CLPB: variants seen among roughly 807,000 people sequenced by gnomAD.
CLPB encodes mitochondrial disaggregase.
A neutral mutation model predicts 78.4 loss-of-function variants in CLPB; 40 were observed. That is an observed-to-expected ratio of 0.51 (90% CI 0.40 to 0.66). The LOEUF is 0.66. Ranked by LOEUF, CLPB falls within the 30% of genes least tolerant of loss-of-function variation. CLPB has a pLI of 0.00. For synonymous variants in CLPB, 333 were observed against 348.0 expected, an observed-to-expected ratio of 0.96 and a Z score of 0.48; for missense variants, 780 against 886.9, an observed-to-expected ratio of 0.88 and a Z score of 1.53.
intron 5 of CLPB, among the ~76,000 whole-genome samples, chr11:72,355,574 T>C (rs1950697631): frequency 6.6e-6 from 1 of 152,222 alleles, no homozygotes; most frequent in Non-Finnish European, 1.5e-5. Context: ...GTACGAAAAC[T>C]GAGGCTTAGA....
intron 2 of CLPB, among the ~76,000 whole-genome samples, chr11:72,418,242 A>C (rs1297635394): frequency 1.3e-5 from 2 of 152,254 alleles, no homozygotes; most frequent in East Asian, 3.9e-4. Flanking sequence ...AGTGCCAGCC[A>C]GCCTTGTGTG....
At chr11:72,371,852 C>T (rs1056000243) in intron 4 of CLPB, among the ~76,000 whole-genome samples, 1 of 152,214 alleles carries the variant, frequency 6.6e-6, no homozygotes, top group African/African-American at 2.4e-5. Flanking sequence ...CTTGACTTCT[C>T]AGCCACAGAT....
chr11:72,294,782 C>T, intron 12 of CLPB, 89 bp from the exon 13 acceptor site: 1 of 1,073,684 alleles, frequency 9.3e-7, no homozygotes, highest in Admixed American at 1.7e-5. Context: ...ATGGAAAGAG[C>T]CCTGGTCCTG....
chr11:72,329,760 C>T lies in CLPB; in HGVS notation c.820G>A (p.Asp274Asn). The change falls in exon 6 of 16, where the codon GAT becomes AAT. Residue 274 changes from aspartate to asparagine, a missense_variant. Asp to Asn is a conservative substitution (Grantham distance 23). This residue lies in a region of CLPB where 417 missense variants were observed against 414.7 expected (regional missense o/e 1.01). Coordinates refer to ENST00000538039, the MANE Select transcript of CLPB (RefSeq NM_001258392.3). ...QRNEMGHTPL[D>N]YAREGEVMKL... ...ATCACTTCCCCTTCTCGGGCATAATCCAAGGGTGTGTGTCCCATTTCATTC... is the reference window on the plus strand; with the variant it reads ...ATCACTTCCCCTTCTCGGGCATAATTCAAGGGTGTGTGTCCCATTTCATTC... 5 of 1,614,002 alleles carry T rather than the reference C, an allele frequency of 3.1e-6. No individual in the cohort carries two copies. Among genetic ancestry groups the T allele is most frequent in the Non-Finnish European group, 4.2e-6 (5 of 1,179,954 alleles).
chr11:72,430,240 C>A, intron 2 of CLPB, 72 bp downstream of exon 2: 1 of 1,433,712 alleles, frequency 7.0e-7, no homozygotes, highest in South Asian at 1.2e-5. Context: ...AAAGCAAAGT[C>A]ATCACACGAG....
At chr11:72,352,849 G>A (rs1042035903) in intron 5 of CLPB, 1 of 152,250 alleles carries the variant, frequency 6.6e-6, no homozygotes, top group Non-Finnish European at 1.5e-5. Context: ...GGGGTCCTTG[G>A]GATCTGCTAT....
intron 4 of CLPB, chr11:72,363,367 C>T (rs1950878108): frequency 6.6e-6 from 1 of 152,204 alleles, no homozygotes; most frequent in Admixed American, 6.5e-5. Context: ...GCTTTATTTA[C>T]TGTTCACTTC....
At chr11:72,387,659 T>TA (rs1222908564) in intron 3 of CLPB, among the ~76,000 whole-genome samples, 164 of 141,994 alleles carry the variant, frequency 1.2e-3, no homozygotes, top group East Asian at 1.0e-2. Context: ...CCTGACACAT[T>TA]AAAAAAAAAA....
In CLPB at chr11:72,294,342, T is replaced by C; in HGVS notation, c.1663A>G (p.Asn555Asp). 6.2e-7 allele frequency: 1 copy of C among 1,614,232 alleles called. No individual in the cohort carries two copies. Among genetic ancestry groups the C allele is most frequent in the East Asian group, 2.2e-5 (1 of 44,882 alleles). ...ELIQLVNKEL[N>D]FWAKRAKQRH... Reference sequence around the variant, plus strand: ...CCTCTTACTCTCTTGGCCCAGAAGTTTAGTTCCTTGTTGACGAGTTGGATG... The same window carrying C: ...CCTCTTACTCTCTTGGCCCAGAAGTCTAGTTCCTTGTTGACGAGTTGGATG... Residue 555 changes from asparagine (N) to aspartate (D), a missense_variant, in exon 14 of 16, where the codon AAC becomes GAC. Around this residue, in one of 3 missense-constraint regions of CLPB, gnomAD observed 272 missense variants for 304.0 expected, o/e 0.89. Coordinates refer to ENST00000538039, the MANE Select transcript of CLPB (RefSeq NM_001258392.3).
intron 3 of CLPB, among the ~76,000 whole-genome samples, chr11:72,394,343 T>C (rs536594070): frequency 6.6e-6 from 1 of 152,122 alleles, no homozygotes; most frequent in South Asian, 2.1e-4. Context: ...CTGAACTGAA[T>C]GAACACTGGA....
At chr11:72,334,946 G>A (rs1037862254) in intron 5 of CLPB, among the ~76,000 whole-genome samples, 9 of 152,362 alleles carry the variant, frequency 5.9e-5, no homozygotes, top group African/African-American at 1.7e-4. Context: ...GCGCCTGCCC[G>A]CTACAGCTGT....
chr11:72,302,273 C>T, intron 10 of CLPB, 31 bp downstream of exon 10: 1 of 1,611,512 alleles, frequency 6.2e-7, no homozygotes, highest in Non-Finnish European at 8.5e-7. Context: ...CCCTCCAAAC[C>T]ATGCTTCAAT....
At chr11:72,366,490 A>G (rs1950945219) in intron 4 of CLPB, among the ~76,000 whole-genome samples, 1 of 152,132 alleles carries the variant, frequency 6.6e-6, no homozygotes. Context: ...AGCCTCCCAA[A>G]GTGCTGGGAT....
chr11:72,356,230 A>G (rs1392680268), intron 5 of CLPB, among the ~76,000 whole-genome samples: 1 of 151,312 alleles, frequency 6.6e-6, no homozygotes, highest in Non-Finnish European at 1.5e-5. Flanking sequence ...GCAAGCCGAG[A>G]TCGCGCCATT....
At chr11:72,320,110 C>CTTTGCTGTCAGT (rs1484209962) in intron 6 of CLPB, among the ~76,000 whole-genome samples, 4 of 152,246 alleles carry the variant, frequency 2.6e-5, no homozygotes, top group African/African-American at 9.6e-5. Context: ...GGTGGCTCAT[C>CTTTGCTGTCAGT]TTTGCTGTCA....
At chr11:72,395,722 G>A (rs775606740) in intron 3 of CLPB, among the ~76,000 whole-genome samples, 9 of 152,186 alleles carry the variant, frequency 5.9e-5, no homozygotes, top group Non-Finnish European at 1.2e-4. Flanking sequence ...GTTAGAAGAC[G>A]GAAAAGGCTC....
chr11:72,434,058 G>A lies in CLPB; in HGVS notation c.403+14C>T, dbSNP rs1340669748. On this transcript the variant is annotated intron_variant, in intron 1 of 15. Coordinates refer to ENST00000538039, the MANE Select transcript of CLPB (RefSeq NM_001258392.3). ...CCCGCCTCTCCCTTCCTCAAACCCA[G>A]ATCTCATAATCACCCTTGTTGGACG... 10 of 1,607,068 alleles carry A rather than the reference G, an allele frequency of 6.2e-6. No individual in the cohort carries two copies. Among genetic ancestry groups the A allele is most frequent in the Non-Finnish European group, 7.6e-6 (9 of 1,179,308 alleles).
Position 72,289,389 on chromosome 11 carries a change from C to T in CLPB, c.*3978G>A, listed in dbSNP as rs1949425815. On this transcript the variant is annotated 3_prime_UTR_variant, in exon 16 of 16. Transcript: ENST00000538039. The stretch of plus-strand genomic sequence containing the variant: ...AGACCTCTATCTAGTAGGAATACTG[C>T]ACACAGGCTGGTTACTAGCTGACTT... 1 of 152,100 alleles carries T rather than the reference C, an allele frequency of 6.6e-6. No homozygotes were observed. Among genetic ancestry groups the T allele is most frequent in the Non-Finnish European group, 1.5e-5 (1 of 68,024 alleles). The allele number at this position is 152,100 out of a possible 1,614,324, so 9.4% of individuals were successfully genotyped here. A position where few individuals can be genotyped will look rare whatever the true frequency, so the allele number is the denominator to read the frequency against.
At chr11:72,329,665 G>T in intron 6 of CLPB, 42 bp downstream of exon 6, 2 of 1,296,854 alleles carry the variant, frequency 1.5e-6, no homozygotes, top group Middle Eastern at 1.8e-4. Context: ...ATTAAATGAT[G>T]CATGGAGTAC....
Sources: gnomAD v4.1 joint callset for allele counts (sites outside exome capture counted in the v4.1 genomes callset) on GRCh38, gnomAD v4.1.1 for gene constraint, gnomAD v4.1.1 regional missense constraint, MANE v1.5 for transcripts, NCBI Gene and HGNC (gene_info 2026-07-23, HGNC 2026-07-21) for gene names.